Variants in RGS12 observed in about 807,000 individuals in gnomAD.
RGS12 encodes regulator of G-protein signaling 12.
RGS12 carries 66 observed loss-of-function variants against 120.1 expected under a neutral mutation model. That is an observed-to-expected ratio of 0.55 (90% confidence interval 0.45 to 0.67). The LOEUF (loss-of-function observed/expected upper bound fraction) is 0.67, where lower values mean the gene tolerates loss of function less well. Among genes scored for constraint, RGS12 ranks in the 30% least tolerant of loss-of-function variants. RGS12 has a pLI of 0.00. For synonymous variants in RGS12, 827 were observed against 804.7 expected (o/e 1.03, Z -0.47); for missense variants, 1,859 against 1,957.7 (o/e 0.95, Z 0.95).
chr4:3,367,494 G>C (rs1384035983), intron 3 of RGS12, among the ~76,000 whole-genome samples: 1 of 152,254 alleles, frequency 6.6e-6, no homozygotes. Flanking sequence ...CTCCCACCAG[G>C]CACTGAGTAA....
At chr4:3,362,949 A>G (rs1468627302) in intron 3 of RGS12, among the ~76,000 whole-genome samples, 2 of 117,818 alleles carry the variant, frequency 1.7e-5, no homozygotes, top group African/African-American at 6.7e-5. Flanking sequence ...GTGTGTGTGC[A>G]CGTGCCAGTG....
chr4:3,310,507 G>A (rs1560647147), intron 1 of RGS12, among the ~76,000 whole-genome samples: 2 of 152,230 alleles, frequency 1.3e-5, no homozygotes, highest in Non-Finnish European at 2.9e-5. Flanking sequence ...GTGTCCTGCT[G>A]TGTCCAGGGC....
At chr4:3,384,491 A>G (rs1237076272) in intron 3 of RGS12, among the ~76,000 whole-genome samples, 3 of 152,160 alleles carry the variant, frequency 2.0e-5, no homozygotes, top group Non-Finnish European at 4.4e-5. Context: ...ATGATTGTGG[A>G]TGATTTATTG....
At chr4:3,388,153 C>A (rs932370263) in intron 4 of RGS12, among the ~76,000 whole-genome samples, 1 of 152,250 alleles carries the variant, frequency 6.6e-6, no homozygotes, top group South Asian at 2.1e-4. Flanking sequence ...GACCCTGGGG[C>A]CACTGGGACA....
At chr4:3,370,138 G>T (rs1716813911) in intron 3 of RGS12, 1 of 1,519,572 alleles carries the variant, frequency 6.6e-7, no homozygotes, top group East Asian at 2.3e-5. Context: ...GTGTCCTGTT[G>T]CCATGGGTTA....
intron 12 of RGS12, 147 bp downstream of exon 12, chr4:3,423,125 G>A (rs1577088208): frequency 1.5e-6 from 1 of 679,028 alleles, no homozygotes; most frequent in East Asian, 2.7e-5. Context: ...GAGGGTGGAG[G>A]CCCACACGAG....
Position 3,422,453 on chromosome 4 carries a change from A to T in RGS12, c.2916A>T (p.Thr972=), listed in dbSNP as rs756556417. The T allele has an allele frequency of 1.9e-6, 3 of 1,613,066 alleles. No homozygotes were observed. Among genetic ancestry groups the T allele is most frequent in the East Asian group, 4.5e-5 (2 of 44,888 alleles). The change falls in exon 11 of 18, where the codon ACA becomes ACT. Residue 972 remains threonine, a synonymous_variant. Transcript: ENST00000336727. ...KHCCIHLPDG[T]SCVVAVKAGF... is the part of the protein sequence containing the mutation. ...GCTGCATTCATCTCCCGGATGGGAC[A>T]TCCTGCGTGGTGGCTGTCAAGGCGG...
At chr4:3,382,360 G>A (rs183416656) in intron 3 of RGS12, among the ~76,000 whole-genome samples, 1 of 152,232 alleles carries the variant, frequency 6.6e-6, no homozygotes, top group African/African-American at 2.4e-5. Flanking sequence ...CTCCTCCTCA[G>A]CTCCACTCCT....
At chr4:3,435,541 C>G (rs1724723396) in intron 17 of RGS12, among the ~76,000 whole-genome samples, 1 of 150,684 alleles carries the variant, frequency 6.6e-6, no homozygotes. Flanking sequence ...GCCCCCTCTC[C>G]CTAGAGCCCC....
chr4:3,301,199 G>T (rs923387921), intron 1 of RGS12, among the ~76,000 whole-genome samples: 8 of 152,012 alleles, frequency 5.3e-5, no homozygotes, highest in African/African-American at 1.9e-4. Context: ...TGTCCCGGCT[G>T]CCCTCCTCTG....
chr4:3,291,348 C>CT (rs66464754), upstream of RGS12, among the ~76,000 whole-genome samples: 8,948 of 132,936 alleles, frequency 0.067, 542 homozygotes, highest in African/African-American at 0.15. Flanking sequence ...TTTCCTGGCT[C>CT]TTTTTTTTTT....
At chr4:3,386,393 T>C (rs768956072) in intron 3 of RGS12, 23 bp from the exon 4 acceptor site, 20 of 1,609,516 alleles carry the variant, frequency 1.2e-5, no homozygotes, top group Non-Finnish European at 1.5e-5. Context: ...AATTAACTCA[T>C]GTCTCTCTCT....
chr4:3,344,711 C>T (rs1014183380), intron 3 of RGS12, among the ~76,000 whole-genome samples: 1 of 152,234 alleles, frequency 6.6e-6, no homozygotes. Context: ...ACTGGGTGTC[C>T]CCAGTGGATG....
chr4:3,398,928 A>T (rs1172166748), intron 4 of RGS12, among the ~76,000 whole-genome samples: 2 of 152,228 alleles, frequency 1.3e-5, no homozygotes, highest in African/African-American at 4.8e-5. Context: ...AAATTATAGC[A>T]TACAGAGAAT....
chr4:3,362,696 GGTGT>G lies in RGS12; in HGVS notation c.1998+19649_1998+19652del, dbSNP rs751448821. ...GTGTGAGGGTGAGGGTGTGTGTGAG[GGTGT>G]GTGTGAGGCTGTGTGAGGGTGAGGG... On this transcript the variant is annotated intron_variant, in intron 3 of 17. Coordinates refer to ENST00000336727, the MANE Select transcript of RGS12 (RefSeq NM_001394154.1). Among the ~76,000 whole-genome samples, 20 of 140,942 alleles carry G rather than the reference GGTGT, an allele frequency of 1.4e-4. No homozygotes were observed. In the East Asian group the frequency reaches 3.0e-3, roughly 21 times the overall value. 92.5% of individuals were successfully genotyped at this position (140,942 alleles called of 152,430 possible). A position where few individuals can be genotyped will look rare whatever the true frequency, so the allele number is the denominator to read the frequency against.
upstream of RGS12, among the ~76,000 whole-genome samples, chr4:3,292,721 A>G (rs1723095605): frequency 6.6e-6 from 1 of 152,200 alleles, no homozygotes; most frequent in South Asian, 2.1e-4. Context: ...TCCCAGCACC[A>G]GGGCCGGGCC....
chr4:3,379,005 A>ATGTGTGTGTGTG (rs3138719), intron 3 of RGS12, among the ~76,000 whole-genome samples: 24 of 146,566 alleles, frequency 1.6e-4, no homozygotes, highest in Admixed American at 6.7e-4. Context: ...GAAATGTGCG[A>ATGTGTGTGTGTG]TGTGTGTGTG....
intron 1 of RGS12, among the ~76,000 whole-genome samples, chr4:3,304,170 G>A (rs1723841167): frequency 6.6e-6 from 1 of 152,240 alleles, no homozygotes; most frequent in South Asian, 2.1e-4. Context: ...ACCTCAAGAA[G>A]TGACATTTAT....
At chr4:3,412,392 G>T (rs1367445727) in intron 4 of RGS12, among the ~76,000 whole-genome samples, 1 of 152,236 alleles carries the variant, frequency 6.6e-6, no homozygotes, top group Non-Finnish European at 1.5e-5. Flanking sequence ...ATAAGGTTTA[G>T]TGTCGCTTCT....
Sources: gnomAD v4.1 joint callset for allele counts (sites outside exome capture counted in the v4.1 genomes callset) on GRCh38, gnomAD v4.1.1 for gene constraint, MANE v1.5 for transcripts, NCBI Gene and HGNC (gene_info 2026-07-23, HGNC 2026-07-21) for gene names.